Variants in FAT3 observed in about 807,000 individuals in gnomAD.
FAT3 encodes FAT atypical cadherin 3.
FAT3 carries 95 observed loss-of-function variants against 310.2 expected under a neutral mutation model. The ratio of observed to expected loss-of-function variants is 0.31; its 90% CI spans 0.26 to 0.36. The LOEUF is 0.36. Ranked by LOEUF, FAT3 falls within the 10% of genes least tolerant of loss-of-function variation. The pLI, the probability that FAT3 is intolerant of heterozygous loss-of-function variation, is 1.00. For synonymous variants in FAT3, 2,314 were observed against 2,192.9 expected, an observed-to-expected ratio of 1.06 and a Z score of -1.54; for missense variants, 5,408 against 5,715.6, an observed-to-expected ratio of 0.95 and a Z score of 1.74.
intron 2 of FAT3, among the ~76,000 whole-genome samples, chr11:92,478,993 T>TTTTCTTTTCTTTTCTTTTCTTTTCG (rs1169911737): frequency 5.7e-5 from 8 of 140,966 alleles, no homozygotes; most frequent in African/African-American, 1.8e-4. Context: ...TTTTCTTTTC[T>TTTTCTTTTCTTTTCTTTTCTTTTCG]TTGTTGTTGT....
chr11:92,496,683 G>A (rs114796212), intron 2 of FAT3, among the ~76,000 whole-genome samples: 201 of 152,066 alleles, frequency 1.3e-3, no homozygotes, highest in African/African-American at 4.6e-3. Flanking sequence ...GGGACACTGT[G>A]GACACTTACT....
At chr11:92,511,804 T>A (rs902972191) in intron 2 of FAT3, among the ~76,000 whole-genome samples, 2 of 152,186 alleles carry the variant, frequency 1.3e-5, no homozygotes, top group Non-Finnish European at 2.9e-5. Context: ...GGCCCTCCAA[T>A]TTGCCTGGTT....
At chr11:92,446,156 G>A (rs754352923) in intron 2 of FAT3, among the ~76,000 whole-genome samples, 6 of 152,058 alleles carry the variant, frequency 3.9e-5, no homozygotes, top group Non-Finnish European at 7.4e-5. Flanking sequence ...AAAAAGAAAC[G>A]CCTGTGGCAT....
At chr11:92,556,306 C>T (rs535696748) in intron 3 of FAT3, among the ~76,000 whole-genome samples, 6 of 152,322 alleles carry the variant, frequency 3.9e-5, no homozygotes, top group Non-Finnish European at 7.3e-5. Flanking sequence ...TGTTTTCCCA[C>T]CAGTCACGTG....
At chr11:92,766,252 G>A (rs796843066) in intron 6 of FAT3, among the ~76,000 whole-genome samples, 24 of 152,322 alleles carry the variant, frequency 1.6e-4, no homozygotes, top group African/African-American at 5.8e-4. Flanking sequence ...AAAACAGGCT[G>A]TTGCTAAAAC....
chr11:92,636,098 G>A (rs942129892), intron 3 of FAT3, among the ~76,000 whole-genome samples: 1 of 152,030 alleles, frequency 6.6e-6, no homozygotes, highest in Admixed American at 6.6e-5. Flanking sequence ...CGAGTAACTG[G>A]GACTACAGGT....
At chr11:92,565,056 T>C (rs1006155727) in intron 3 of FAT3, among the ~76,000 whole-genome samples, 1 of 143,384 alleles carries the variant, frequency 7.0e-6, no homozygotes, top group African/African-American at 2.5e-5. Context: ...CTGAAGGAAA[T>C]AGAGACACAA....
At position 92,805,182 on chromosome 11, in the gene FAT3, G is replaced by T. The variant is rs2136198818; in HGVS notation, c.8926G>T (p.Gly2976Cys). The change falls in exon 11 of 28, where the codon GGC (glycine) becomes TGC (cysteine). Residue 2976 changes from glycine to cysteine, a missense_variant. Coordinates refer to ENST00000525166, the MANE Select transcript of FAT3 (RefSeq NM_001367949.2). Reference protein sequence around the residue: ...GGNPRGRFALGLVQSEWKVYV... With the variant: ...GGNPRGRFALCLVQSEWKVYV... ...AAACCCTCGAGGAAGGTTTGCTCTG[G>T]GCCTGGTGCAAAGTGAGTGGAAGGT... 2 of 1,612,894 alleles carry T rather than the reference G, an allele frequency of 1.2e-6. No homozygotes were observed. The highest frequency in any genetic ancestry group is 1.1e-5 in the South Asian group (1 of 90,944).
intron 3 of FAT3, among the ~76,000 whole-genome samples, chr11:92,617,699 A>G (rs928119811): frequency 5.3e-5 from 8 of 152,094 alleles, no homozygotes; most frequent in Admixed American, 5.2e-4. Flanking sequence ...TTTTCCTTCT[A>G]ACTGTCAGGA....
intron 3 of FAT3, among the ~76,000 whole-genome samples, chr11:92,579,997 A>G (rs974542299): frequency 9.2e-5 from 14 of 152,260 alleles, no homozygotes; most frequent in East Asian, 3.9e-4. Flanking sequence ...AGAATATTAC[A>G]TAAACACAGT....
At chr11:92,864,866 T>A in intron 21 of FAT3, among the ~76,000 whole-genome samples, 1 of 152,162 alleles carries the variant, frequency 6.6e-6, no homozygotes, top group African/African-American at 2.4e-5. Context: ...TCAGAGAACA[T>A]AAACATTTGT....
chr11:92,260,905 A>G (rs1441328218), intron 1 of FAT3, among the ~76,000 whole-genome samples: 1 of 152,114 alleles, frequency 6.6e-6, no homozygotes, highest in African/African-American at 2.4e-5. Flanking sequence ...ACAGTAAAAA[A>G]ACTTAAGTGT....
chr11:92,685,685 G>A (rs957712587), intron 3 of FAT3, among the ~76,000 whole-genome samples: 2 of 151,620 alleles, frequency 1.3e-5, no homozygotes, highest in Non-Finnish European at 2.9e-5. Context: ...CCTGTGCTAA[G>A]CACAAAAGAT....
Position 92,801,541 on chromosome 11 carries a change from G to C in FAT3, c.8528G>C (p.Trp2843Ser). 6.2e-7 allele frequency: 1 copy of C among 1,608,224 alleles called. No homozygotes were observed. ...CAAGTGAGAGCTATTGATATGGACT[G>C]GGGAGCCAATGGACAAGTCACTTAC... is the stretch of plus-strand genomic sequence containing the variant. ...LTQVRAIDMD[W>S]GANGQVTYSL... Residue 2843 changes from tryptophan to serine, a missense_variant, in exon 10 of 28, where the codon TGG (tryptophan) becomes TCG (serine). Transcript: ENST00000525166.
rs567814714 is a variant in FAT3, at chr11:92,890,368, A to G, written c.13148-123A>G. 36 of 1,214,692 alleles carry G rather than the reference A, an allele frequency of 3.0e-5. No homozygotes were observed. The African/African-American group carries it at 4.9e-4, about 17-fold the overall frequency. 75.2% of individuals were successfully genotyped at this position (1,214,692 alleles called of 1,614,324 possible). ...ATGGCTGGCCCCATAGACCCTTGTA[A>G]TAAGCTTCTTAGGGTTTCTTGGATG... On this transcript the variant is annotated intron_variant, in intron 27 of 27. Transcript: ENST00000525166.
intron 4 of FAT3, among the ~76,000 whole-genome samples, chr11:92,749,729 T>C (rs1484354231): frequency 6.6e-6 from 1 of 152,182 alleles, no homozygotes; most frequent in Non-Finnish European, 1.5e-5. Context: ...ACATAACTGG[T>C]GATTTACAGG....
intron 6 of FAT3, among the ~76,000 whole-genome samples, chr11:92,773,050 C>T (rs1475094026): frequency 6.6e-6 from 1 of 152,112 alleles, no homozygotes; most frequent in Non-Finnish European, 1.5e-5. Flanking sequence ...AAAATCAACA[C>T]CATGAAATTT....
chr11:92,489,775 G>A (rs896067158), intron 2 of FAT3, among the ~76,000 whole-genome samples: 1 of 152,056 alleles, frequency 6.6e-6, no homozygotes, highest in African/African-American at 2.4e-5. Context: ...CGGGCTGGAC[G>A]GAGTAGGGGA....
At chr11:92,275,744 T>C (rs555717756) in intron 1 of FAT3, among the ~76,000 whole-genome samples, 4 of 152,256 alleles carry the variant, frequency 2.6e-5, no homozygotes, top group Non-Finnish European at 5.9e-5. Context: ...AAATAAGAAA[T>C]ACCTCTAAAT....
Sources: allele counts gnomAD v4.1 joint callset (sites outside exome capture counted in the v4.1 genomes callset), GRCh38; gene constraint gnomAD v4.1.1; transcripts MANE v1.5; gene names NCBI Gene and HGNC (gene_info 2026-07-23, HGNC 2026-07-21).